EXOC4: variants seen among roughly 807,000 people sequenced by gnomAD.
The protein encoded by EXOC4 is SEC8-like 1.
A neutral mutation model predicts 107.2 loss-of-function variants in EXOC4; 71 were observed. That is an observed-to-expected ratio of 0.66 (90% CI 0.55 to 0.81). The LOEUF is 0.81. Among genes scored for constraint, EXOC4 ranks in the 30% least tolerant of loss-of-function variants. EXOC4 has a pLI of 0.00. For synonymous variants in EXOC4, 456 were observed against 441.2 expected, an observed-to-expected ratio of 1.03 and a Z score of -0.42; for missense variants, 1,108 against 1,189.6, an observed-to-expected ratio of 0.93 and a Z score of 1.01.
Position 133,630,161 on chromosome 7 carries a change from A to G in EXOC4, c.1514+20A>G. 1.3e-6 allele frequency: 2 copies of G among 1,536,198 alleles called. No homozygotes were observed. Among genetic ancestry groups the G allele is most frequent in the Non-Finnish European group, 1.8e-6 (2 of 1,109,916 alleles). ...ACTAAGGTAAGTCAAGTGCTATGATATACTTACTGAAGATCAATATTTTCA... is the reference window on the plus strand; with the variant it reads ...ACTAAGGTAAGTCAAGTGCTATGATGTACTTACTGAAGATCAATATTTTCA... On this transcript the variant is annotated intron_variant, in intron 10 of 17. Transcript: ENST00000253861.
chr7:133,451,022 G>C (rs17167087), intron 7 of EXOC4, among the ~76,000 whole-genome samples: 1 of 151,932 alleles, frequency 6.6e-6, no homozygotes, highest in African/African-American at 2.4e-5. Context: ...TTGGTTTGGA[G>C]AATACAGACA....
At chr7:133,656,729 A>C (rs954091506) in intron 10 of EXOC4, among the ~76,000 whole-genome samples, 1 of 152,222 alleles carries the variant, frequency 6.6e-6, no homozygotes, top group African/African-American at 2.4e-5. Flanking sequence ...TAAATGAATC[A>C]GGTCTGACTT....
At chr7:133,692,397 TTG>T (rs1469788737) in intron 10 of EXOC4, among the ~76,000 whole-genome samples, 2 of 152,306 alleles carry the variant, frequency 1.3e-5, no homozygotes, top group East Asian at 3.9e-4. Context: ...GCTTTATTAT[TTG>T]TGTCTCCCCT....
At position 133,538,182 on chromosome 7, in the gene EXOC4, A is replaced by T. The variant is rs188072695; in HGVS notation, c.1417+58044A>T. On this transcript the variant is annotated intron_variant, in intron 9 of 17. Coordinates refer to ENST00000253861, the MANE Select transcript of EXOC4 (RefSeq NM_021807.4). ...AATTCACTTCCTTTTTCACTATGGT[A>T]CAAGAATTGGAAAATAAGAGCATTC... Among the ~76,000 whole-genome samples the T allele has an allele frequency of 9.8e-5, 15 of 152,310 alleles. No individual in the cohort carries two copies. In the East Asian group the frequency reaches 2.7e-3, roughly 27 times the overall value.
At chr7:133,593,007 A>C (rs1001925156) in intron 9 of EXOC4, among the ~76,000 whole-genome samples, 1 of 152,216 alleles carries the variant, frequency 6.6e-6, no homozygotes, top group Non-Finnish European at 1.5e-5. Flanking sequence ...TTGGCCTCCC[A>C]ACATCCTGGG....
chr7:133,862,370 C>G (rs572493097), intron 11 of EXOC4, among the ~76,000 whole-genome samples: 7 of 152,012 alleles, frequency 4.6e-5, no homozygotes, highest in Non-Finnish European at 1.0e-4. Context: ...TGCCTCCCAG[C>G]TACTCAGAAG....
intron 17 of EXOC4, among the ~76,000 whole-genome samples, chr7:134,050,564 A>C (rs1795760433): frequency 6.6e-6 from 1 of 152,232 alleles, no homozygotes; most frequent in Non-Finnish European, 1.5e-5. Context: ...ACAGAGAAGA[A>C]ATAAATTGCT....
chr7:133,723,343 C>A (rs150134968), intron 10 of EXOC4, among the ~76,000 whole-genome samples: 36 of 152,316 alleles, frequency 2.4e-4, no homozygotes, highest in African/African-American at 8.4e-4. Context: ...TTGTTTCATT[C>A]ATTCAATCTT....
chr7:133,520,012 A>C (rs1799950952), intron 9 of EXOC4, among the ~76,000 whole-genome samples: 1 of 152,010 alleles, frequency 6.6e-6, no homozygotes, highest in African/African-American at 2.4e-5. Context: ...AAAAATTAGA[A>C]GGTAAAAGTA....
rs139022546 is a variant in EXOC4 at position 133,447,240 on chromosome 7, T to C, written c.1183-28088T>C. On this transcript the variant is annotated intron_variant, in intron 7 of 17. Transcript: ENST00000253861. Reference sequence around the variant, plus strand: ...GGCATGAAAACATCAGTGTTAATCCTTTTCTGTTACACATTGTTTTAGGCA... The same window carrying C: ...GGCATGAAAACATCAGTGTTAATCCCTTTCTGTTACACATTGTTTTAGGCA... 1.0e-3 allele frequency: 155 copies of C among 152,270 alleles called. 1 individual carries two copies. Among genetic ancestry groups the C allele is most frequent in the African/African-American group, 3.6e-3 (151 of 41,558 alleles). 9.4% of individuals were successfully genotyped at this position (152,270 alleles called of 1,614,324 possible).
At chr7:133,657,132 T>A (rs1309929650) in intron 10 of EXOC4, among the ~76,000 whole-genome samples, 1 of 152,158 alleles carries the variant, frequency 6.6e-6, no homozygotes, top group Non-Finnish European at 1.5e-5. Context: ...TGACAGTTGC[T>A]GGTCCCTTCG....
At chr7:133,874,687 A>G (rs1004093510) in intron 11 of EXOC4, among the ~76,000 whole-genome samples, 1 of 152,252 alleles carries the variant, frequency 6.6e-6, no homozygotes, top group Non-Finnish European at 1.5e-5. Flanking sequence ...ACCACCAAAG[A>G]CAGGTGAGCC....
At chr7:133,875,220 G>C (rs17167315) in intron 11 of EXOC4, among the ~76,000 whole-genome samples, 24,229 of 152,196 alleles carry the variant, frequency 0.16, 2,400 homozygotes, top group African/African-American at 0.27. Flanking sequence ...GACTGCTCTA[G>C]TTTCTCACAG....
intron 10 of EXOC4, among the ~76,000 whole-genome samples, chr7:133,722,868 T>G (rs2151108246): frequency 6.6e-6 from 1 of 152,228 alleles, no homozygotes; most frequent in East Asian, 1.9e-4. Flanking sequence ...GCCATGTGGA[T>G]GTAGTAGCAG....
chr7:134,010,312 C>T (rs923142537), intron 17 of EXOC4: 1 of 152,090 alleles, frequency 6.6e-6, no homozygotes, highest in African/African-American at 2.4e-5. Context: ...GTTTAATTGC[C>T]TGAAAGTTTA....
chr7:133,955,410 G>A (rs1221751822), intron 14 of EXOC4, among the ~76,000 whole-genome samples: 1 of 152,164 alleles, frequency 6.6e-6, no homozygotes, highest in East Asian at 1.9e-4. Context: ...AGGAGACCCT[G>A]GAGTGGGTAG....
At chr7:133,982,673 A>C (rs1049544201) in intron 14 of EXOC4, among the ~76,000 whole-genome samples, 1 of 152,228 alleles carries the variant, frequency 6.6e-6, no homozygotes, top group Non-Finnish European at 1.5e-5. Context: ...CTAAGCCTTT[A>C]TATAGTTTCT....
At chr7:133,653,188 A>G (rs1039991742) in intron 10 of EXOC4, among the ~76,000 whole-genome samples, 1 of 152,174 alleles carries the variant, frequency 6.6e-6, no homozygotes, top group Non-Finnish European at 1.5e-5. Context: ...TCAGAGAGGA[A>G]GAAGATCATT....
At chr7:133,519,387 C>T (rs111638359) in intron 9 of EXOC4, among the ~76,000 whole-genome samples, 8 of 151,930 alleles carry the variant, frequency 5.3e-5, no homozygotes, top group Middle Eastern at 3.4e-3. Flanking sequence ...TATGCCAGTG[C>T]GCTCCAGCCC....
Sources: gnomAD v4.1 joint callset for allele counts (sites outside exome capture counted in the v4.1 genomes callset) on GRCh38, gnomAD v4.1.1 for gene constraint, MANE v1.5 for transcripts, NCBI Gene and HGNC (gene_info 2026-07-23, HGNC 2026-07-21) for gene names.